CRTAM: variants seen among roughly 807,000 people sequenced by gnomAD.
CRTAM encodes the protein cytotoxic and regulatory T cell molecule.
Under a neutral mutation model 50.0 loss-of-function variants are expected in CRTAM, and 44 were observed. That is an observed-to-expected ratio of 0.88 (90% confidence interval 0.69 to 1.13). The LOEUF (loss-of-function observed/expected upper bound fraction) is 1.13, where lower values mean the gene tolerates loss of function less well. Among genes scored for constraint, CRTAM ranks in the 50% most tolerant of loss-of-function variants. The pLI is 0.00. For missense variants in CRTAM, 448 were observed against 457.5 expected (o/e 0.98, Z 0.19); for synonymous variants, 159 against 169.3 (o/e 0.94, Z 0.47).
chr11:122,868,980 A>G (rs919549144), intron 9 of CRTAM, among the ~76,000 whole-genome samples: 3 of 152,114 alleles, frequency 2.0e-5, no homozygotes, highest in African/African-American at 7.2e-5. Flanking sequence ...CTGCACTCCA[A>G]CCTGGGTGAC....
At chr11:122,859,552 C>T (rs1403720462) in intron 5 of CRTAM, among the ~76,000 whole-genome samples, 2 of 152,132 alleles carry the variant, frequency 1.3e-5, no homozygotes, top group African/African-American at 4.8e-5. Flanking sequence ...GTAACTTTTG[C>T]ATTCGATCTC....
At chr11:122,854,237 C>T in intron 4 of CRTAM, 151 bp downstream of exon 4, 2 of 741,780 alleles carry the variant, frequency 2.7e-6, no homozygotes, top group South Asian at 4.8e-5. Flanking sequence ...TTCTTACAAC[C>T]AATCAATTTT....
chr11:122,858,984 A>G (rs1249296795), intron 5 of CRTAM, among the ~76,000 whole-genome samples: 2 of 152,214 alleles, frequency 1.3e-5, no homozygotes, highest in South Asian at 2.1e-4. Context: ...AAGAACTTTT[A>G]CTTATATAGG....
chr11:122,871,094 A>G (rs950165379), intron 9 of CRTAM, among the ~76,000 whole-genome samples, 175 bp from the exon 10 acceptor site: 3 of 152,188 alleles, frequency 2.0e-5, no homozygotes, highest in Non-Finnish European at 4.4e-5. Context: ...AAAACCACGA[A>G]AAACAAAAAA....
intron 9 of CRTAM, among the ~76,000 whole-genome samples, chr11:122,870,074 A>T (rs1408212856): frequency 6.6e-6 from 1 of 151,860 alleles, no homozygotes; most frequent in African/African-American, 2.4e-5. Flanking sequence ...AACTTTTAAA[A>T]CAATTTTTCT....
rs746111142 is a variant in CRTAM, at chr11:122,855,747, C to A, written c.543C>A (p.Ser181Arg). ...ATGGGAAGAAATGTAATACTACCAG[C>A]ACTCTCATAATCCACACTTATGGCA... ...ETDGKKCNTTSTLIIHTYGKN... is the reference protein window; with the variant it reads ...ETDGKKCNTTRTLIIHTYGKN... Residue 181 changes from serine (S) to arginine (R), a missense_variant, in exon 5 of 10, where the codon AGC becomes AGA. Ser to Arg is a moderately radical substitution (Grantham distance 110). Transcript: ENST00000227348. 1.3e-5 allele frequency: 21 copies of A among 1,613,794 alleles called. No individual in the cohort carries two copies. The highest frequency in any genetic ancestry group is 1.8e-5 in the Non-Finnish European group (21 of 1,179,792).
At chr11:122,854,148 A>G (rs1203334908) in intron 4 of CRTAM, 62 bp downstream of exon 4, 1 of 1,565,772 alleles carries the variant, frequency 6.4e-7, no homozygotes, top group Non-Finnish European at 8.7e-7. Flanking sequence ...GGATTTTTAA[A>G]TGTTTTGGCA....
At chr11:122,851,631 G>A in intron 2 of CRTAM, 62 bp from the exon 3 acceptor site, 1 of 1,519,170 alleles carries the variant, frequency 6.6e-7, no homozygotes, top group South Asian at 1.1e-5. Context: ...CATCTACTGG[G>A]TAGAGGCCAA....
rs756826774 is a variant in CRTAM at position 122,850,063 on chromosome 11, C to T, written c.47-5C>T. 8.8e-6 allele frequency: 14 copies of T among 1,596,584 alleles called. No homozygotes were observed. The highest frequency in any genetic ancestry group is 3.4e-5 in the Admixed American group (2 of 59,052). On this transcript the variant is annotated splice_polypyrimidine_tract_variant and splice_region_variant and intron_variant, in intron 1 of 9. Transcript: ENST00000227348. ...CTGATCATCCCCATTTCTCTTCCTC[C>T]ACAGAGGCCTCTCTGACTAACCACA...
chr11:122,839,106 A>G (rs28463453), intron 1 of CRTAM, among the ~76,000 whole-genome samples: 1 of 151,790 alleles, frequency 6.6e-6, no homozygotes, highest in Non-Finnish European at 1.5e-5. Context: ...TAATTTTTTT[A>G]TATTTTTAGT....
chr11:122,855,163 C>G (rs1986554), intron 4 of CRTAM, among the ~76,000 whole-genome samples: 3 of 151,984 alleles, frequency 2.0e-5, no homozygotes, highest in Admixed American at 1.3e-4. Context: ...AGGCTGGTCT[C>G]GAACCCCTGA....
At chr11:122,855,564 G>T in intron 4 of CRTAM, 131 bp from the exon 5 acceptor site, 1 of 692,732 alleles carries the variant, frequency 1.4e-6, no homozygotes. Flanking sequence ...GCCTATACAA[G>T]GGAACTGGCT....
intron 1 of CRTAM, among the ~76,000 whole-genome samples, chr11:122,846,759 C>T (rs780032239): frequency 8.5e-5 from 13 of 152,164 alleles, no homozygotes; most frequent in Non-Finnish European, 1.6e-4. Context: ...TCACCATTTG[C>T]TCCTCAAAAC....
chr11:122,855,609 C>A, intron 4 of CRTAM, 86 bp from the exon 5 acceptor site: 1 of 1,112,882 alleles, frequency 9.0e-7, no homozygotes, highest in African/African-American at 1.6e-5. Context: ...TAATGTTTGC[C>A]ATGAAGTCAA....
At chr11:122,864,557 G>A (rs1331825213) in intron 6 of CRTAM, 79 bp from the exon 7 acceptor site, 1 of 967,486 alleles carries the variant, frequency 1.0e-6, no homozygotes. Flanking sequence ...GCTCTGGGAA[G>A]ACTTACGTAA....
At chr11:122,844,271 A>G (rs1861834906) in intron 1 of CRTAM, among the ~76,000 whole-genome samples, 1 of 152,250 alleles carries the variant, frequency 6.6e-6, no homozygotes. Context: ...CATCCTAAGA[A>G]AGAGAAAAAT....
intron 1 of CRTAM, among the ~76,000 whole-genome samples, chr11:122,843,746 C>T (rs1274965904): frequency 1.3e-5 from 2 of 152,208 alleles, no homozygotes; most frequent in Non-Finnish European, 2.9e-5. Context: ...AATTTGGTTT[C>T]CAGTGGCAAT....
chr11:122,851,405 A>G (rs1007365792), intron 2 of CRTAM, among the ~76,000 whole-genome samples: 1 of 152,246 alleles, frequency 6.6e-6, no homozygotes, highest in African/African-American at 2.4e-5. Flanking sequence ...AAAATTTTAA[A>G]TAGAGATAAT....
Position 122,847,641 on chromosome 11 carries a change from G to T in CRTAM, c.47-2427G>T, listed in dbSNP as rs142327336. ...TAGAACAAGGAAGTCCAGAGGGTGGGTGGTGATGCAAGTGAATGTCCCCCT... is the reference window on the plus strand; with the variant it reads ...TAGAACAAGGAAGTCCAGAGGGTGGTTGGTGATGCAAGTGAATGTCCCCCT... On this transcript the variant is annotated intron_variant, in intron 1 of 9. Coordinates refer to ENST00000227348, the MANE Select transcript of CRTAM (RefSeq NM_019604.4). Among the ~76,000 whole-genome samples the T allele has an allele frequency of 6.6e-5, 10 of 152,296 alleles. No homozygotes were observed. In the East Asian group the frequency reaches 1.9e-3, roughly 29 times the overall value.
Sources: gnomAD v4.1 joint callset for allele counts (sites outside exome capture counted in the v4.1 genomes callset) on GRCh38, gnomAD v4.1.1 for gene constraint, MANE v1.5 for transcripts, NCBI Gene and HGNC (gene_info 2026-07-23, HGNC 2026-07-21) for gene names.